EMX1: variants seen among roughly 807,000 people sequenced by gnomAD.
EMX1 encodes the protein homeobox protein EMX1.
Under a neutral mutation model 20.1 loss-of-function variants are expected in EMX1, and 10 were observed. The ratio of observed to expected loss-of-function variants is 0.50; its 90% CI spans 0.31 to 0.84. The LOEUF is 0.84. Among genes scored for constraint, EMX1 ranks in the 40% least tolerant of loss-of-function variants. The pLI is 0.05. For synonymous variants in EMX1, 250 were observed against 200.4 expected (o/e 1.25, Z -2.09); for missense variants, 424 against 431.9 (o/e 0.98, Z 0.16).
chr2:72,918,065 G>C lies in EMX1; in HGVS notation c.213G>C (p.Ala71=). Residue 71 remains alanine (A), a synonymous_variant, in exon 1 of 3, where the codon GCG becomes GCC. Transcript: ENST00000258106. ...GCGCGGGCTCCCATCTCCTGGCGGCGGCCGCCTCCGAGGAACCGCTCCGGC... is the reference window on the plus strand; with the variant it reads ...GCGCGGGCTCCCATCTCCTGGCGGCCGCCGCCTCCGAGGAACCGCTCCGGC... ...GGGAGSHLLA[A]AASEEPLRPT... The C allele has an allele frequency of 2.8e-6, 4 of 1,415,956 alleles. No homozygotes were observed. The highest frequency in any genetic ancestry group is 3.7e-6 in the Non-Finnish European group (4 of 1,094,654). 87.7% of individuals were successfully genotyped at this position (1,415,956 alleles called of 1,614,324 possible).
chr2:72,916,908 C>G (rs1364543058), upstream of EMX1: 5 of 717,260 alleles, frequency 7.0e-6, no homozygotes, highest in Non-Finnish European at 1.3e-5. Context: ...GGCAGTGGGA[C>G]CGCTCCGGCG....
chr2:72,917,770 C>G lies in EMX1; in HGVS notation c.-83C>G, dbSNP rs1258650239. 8.2e-7 allele frequency: 1 copy of G among 1,220,558 alleles called. No individual in the cohort carries two copies. Among genetic ancestry groups the G allele is most frequent in the South Asian group, 3.2e-5 (1 of 31,490 alleles). The allele number at this position is 1,220,558 out of a possible 1,614,324, so 75.6% of individuals were successfully genotyped here. On this transcript the variant is annotated 5_prime_UTR_variant, in exon 1 of 3. Transcript: ENST00000258106. Reference sequence around the variant, plus strand: ...CCCGCGGTCGCTCGCTCACACACCCCTCGCCGCTCCGCGCCTGGCTCGCCC... The same window carrying G: ...CCCGCGGTCGCTCGCTCACACACCCGTCGCCGCTCCGCGCCTGGCTCGCCC...
At chr2:72,920,266 T>C (rs954150114) in intron 1 of EMX1, among the ~76,000 whole-genome samples, 1 of 152,182 alleles carries the variant, frequency 6.6e-6, no homozygotes, top group Non-Finnish European at 1.5e-5. Context: ...AAAACCCTCT[T>C]GGAAATTGCC....
At chr2:72,923,427 G>A (rs1671135792) in intron 1 of EMX1, 1 of 152,260 alleles carries the variant, frequency 6.6e-6, no homozygotes, top group South Asian at 2.1e-4. Flanking sequence ...CAGGGATGAA[G>A]CAGGGATGAA....
intron 1 of EMX1, among the ~76,000 whole-genome samples, chr2:72,918,739 G>A (rs1346478902): frequency 6.6e-6 from 1 of 152,236 alleles, no homozygotes; most frequent in Non-Finnish European, 1.5e-5. Flanking sequence ...CCTCCGCCCG[G>A]CTTAACCTCG....
chr2:72,932,558 G>A (rs1202249620), intron 2 of EMX1, among the ~76,000 whole-genome samples: 1 of 152,194 alleles, frequency 6.6e-6, no homozygotes, highest in African/African-American at 2.4e-5. Context: ...CAGCCCACAA[G>A]CACTAAGTCC....
At position 72,918,028 on chromosome 2, in the gene EMX1, C is replaced by A. The variant is rs1310920052; in HGVS notation, c.176C>A (p.Thr59Asn). 2.5e-5 allele frequency: 36 copies of A among 1,426,268 alleles called. No individual in the cohort carries two copies. The highest frequency in any genetic ancestry group is 3.2e-5 in the Non-Finnish European group (35 of 1,099,372). 88.4% of individuals were successfully genotyped at this position (1,426,268 alleles called of 1,614,324 possible). The change falls in exon 1 of 3, where the codon ACT becomes AAT. Residue 59 changes from threonine (T) to asparagine (N), a missense_variant. Coordinates refer to ENST00000258106, the MANE Select transcript of EMX1 (RefSeq NM_004097.3). ...AAGGACGGCGGCACCGGCGGGGGCACTGGCGGCGGGGGCGCGGGCTCCCAT... is the reference window on the plus strand; with the variant it reads ...AAGGACGGCGGCACCGGCGGGGGCAATGGCGGCGGGGGCGCGGGCTCCCAT... The part of the protein sequence containing the change: ...VAKDGGTGGG[T>N]GGGGAGSHLL...
chr2:72,919,798 T>C (rs563257043), intron 1 of EMX1, among the ~76,000 whole-genome samples: 1 of 152,374 alleles, frequency 6.6e-6, no homozygotes, highest in Admixed American at 6.5e-5. Context: ...ACAAAAATGC[T>C]ACAATGTCAT....
intron 2 of EMX1, among the ~76,000 whole-genome samples, chr2:72,927,915 A>G (rs937493012): frequency 9.2e-5 from 14 of 151,862 alleles, no homozygotes; most frequent in East Asian, 7.7e-4. Flanking sequence ...CTCTCCTTCT[A>G]TCTTTCCCTT....
rs1303908244 is a variant in EMX1, at chr2:72,934,072, A to C, written c.*118A>C. ...CCAGGCTTTGGGGAGGCCTGGAGTC[A>C]TGGCCCCACAGGGCTTGAAGCCCGG... On this transcript the variant is annotated 3_prime_UTR_variant, in exon 3 of 3. Coordinates refer to ENST00000258106, the MANE Select transcript of EMX1 (RefSeq NM_004097.3). 1 of 1,384,836 alleles carries C rather than the reference A, an allele frequency of 7.2e-7. No homozygotes were observed. Among genetic ancestry groups the C allele is most frequent in the Non-Finnish European group, 9.7e-7 (1 of 1,028,984 alleles). The allele number at this position is 1,384,836 out of a possible 1,614,324, so 85.8% of individuals were successfully genotyped here. A position where few individuals can be genotyped will look rare whatever the true frequency, so the allele number is the denominator to read the frequency against.
At chr2:72,921,194 A>G (rs1181678762) in intron 1 of EMX1, among the ~76,000 whole-genome samples, 2 of 152,120 alleles carry the variant, frequency 1.3e-5, no homozygotes, top group Non-Finnish European at 2.9e-5. Context: ...GTTCCCAGCC[A>G]TTGCCTTGAA....
intron 2 of EMX1, among the ~76,000 whole-genome samples, chr2:72,931,381 G>A (rs1051824383): frequency 4.6e-5 from 7 of 152,212 alleles, no homozygotes; most frequent in African/African-American, 1.4e-4. Flanking sequence ...AAGGGCCCCC[G>A]GTCCCTGGTA....
At position 72,918,230 on chromosome 2, in the gene EMX1, C is replaced by T. The variant is rs762942264; in HGVS notation, c.378C>T (p.Pro126=). Reference sequence around the variant, plus strand: ...TGTTCCCCGAGGCCATGAACCACCCCGCGCTGACCGTGCATCCGGCGCACC... The same window carrying T: ...TGTTCCCCGAGGCCATGAACCACCCTGCGCTGACCGTGCATCCGGCGCACC... ...ELVFPEAMNH[P]ALTVHPAHQL... The change falls in exon 1 of 3, where the codon CCC becomes CCT. Residue 126 remains proline, a synonymous_variant. Coordinates refer to ENST00000258106, the MANE Select transcript of EMX1 (RefSeq NM_004097.3). 1.3e-6 allele frequency: 2 copies of T among 1,581,212 alleles called. No individual in the cohort carries two copies. The highest frequency in any genetic ancestry group is 2.2e-5 in the South Asian group (2 of 89,102).
chr2:72,916,627 G>A, upstream of EMX1: 2 of 691,614 alleles, frequency 2.9e-6, no homozygotes, highest in African/African-American at 1.8e-5. Context: ...GGAAGGTGAA[G>A]GTCGAGGGAG....
rs1671070156 is a variant in EMX1, at chr2:72,919,931, A to T, written c.520+1559A>T. 2.0e-5 allele frequency among the ~76,000 whole-genome samples: 3 copies of T among 152,358 alleles called. No individual in the cohort carries two copies. In the South Asian group the frequency reaches 6.2e-4, roughly 32 times the overall value. On this transcript the variant is annotated intron_variant, in intron 1 of 2. Transcript: ENST00000258106. ...GCTCGATCCGAAGCCTGGGTCTCGA[A>T]ACCTGGCGCCCAGGGGCCGAGTTGT...
In EMX1 at chr2:72,924,342, A is replaced by C; in HGVS notation, c.554A>C (p.His185Pro). The C allele has an allele frequency of 6.3e-7, 1 of 1,580,644 alleles. No individual in the cohort carries two copies. The highest frequency in any genetic ancestry group is 1.8e-5 in the Admixed American group (1 of 55,336). ...SDVPQDGLLL[H>P]GPFARKPKRI... ...GTGCCCCAGGACGGGCTGCTTCTGC[A>C]CGGCCCCTTCGCACGCAAGCCCAAG... The change falls in exon 2 of 3, where the codon CAC (histidine) becomes CCC (proline). Residue 185 changes from histidine (H) to proline (P), a missense_variant. Coordinates refer to ENST00000258106, the MANE Select transcript of EMX1 (RefSeq NM_004097.3).
At chr2:72,931,228 G>A (rs576101513) in intron 2 of EMX1, among the ~76,000 whole-genome samples, 18 of 152,298 alleles carry the variant, frequency 1.2e-4, no homozygotes, top group African/African-American at 3.6e-4. Flanking sequence ...GCCTGAAGTC[G>A]CCATCCAAAG....
intron 2 of EMX1, among the ~76,000 whole-genome samples, chr2:72,927,483 C>G (rs1671223881): frequency 6.6e-6 from 1 of 152,166 alleles, no homozygotes; most frequent in African/African-American, 2.4e-5. Flanking sequence ...CAGAGCTCAC[C>G]ACACAACCCC....
chr2:72,920,910 G>GC (rs1317657744), intron 1 of EMX1, among the ~76,000 whole-genome samples: 5 of 152,174 alleles, frequency 3.3e-5, no homozygotes, highest in East Asian at 1.9e-4. Flanking sequence ...TAGAGACCCA[G>GC]CCCCCCGGGA....
Sources: gnomAD v4.1 joint callset for allele counts (sites outside exome capture counted in the v4.1 genomes callset) on GRCh38, gnomAD v4.1.1 for gene constraint, MANE v1.5 for transcripts, NCBI Gene and HGNC (gene_info 2026-07-23, HGNC 2026-07-21) for gene names.